The following GRM7 variants were observed in gnomAD, a reference collection of about 807,000 sequenced individuals.
GRM7 encodes metabotropic glutamate receptor 7.
A neutral mutation model predicts 84.5 loss-of-function variants in GRM7; 35 were observed. The observed-to-expected ratio is 0.41, with a 90% CI of 0.32 to 0.55. The LOEUF (loss-of-function observed/expected upper bound fraction) is 0.55. Ranked by LOEUF, GRM7 falls within the 20% of genes least tolerant of loss-of-function variation. GRM7 has a pLI of 0.19. For synonymous variants in GRM7, 487 were observed against 455.1 expected (o/e 1.07, Z -0.89); for missense variants, 1,003 against 1,194.6 (o/e 0.84, Z 2.36).
At chr3:7,358,962 A>G (rs1052765529) in intron 4 of GRM7, among the ~76,000 whole-genome samples, 13 of 151,758 alleles carry the variant, frequency 8.6e-5, no homozygotes, top group Non-Finnish European at 1.5e-4. Flanking sequence ...TACTAAAAAT[A>G]CCCAAACTTA....
At chr3:7,025,087 A>G (rs1033023904) in intron 1 of GRM7, among the ~76,000 whole-genome samples, 27 of 152,162 alleles carry the variant, frequency 1.8e-4, no homozygotes, top group African/African-American at 5.8e-4. Context: ...TTGTCATCAA[A>G]ACCAGCAATG....
intron 2 of GRM7, among the ~76,000 whole-genome samples, chr3:7,227,305 C>G (rs748655256): frequency 6.6e-6 from 1 of 152,100 alleles, no homozygotes. Flanking sequence ...ACAATCTATT[C>G]TAGAATAATT....
At chr3:7,312,936 CTTTTTTT>C (rs372557190) in intron 4 of GRM7, among the ~76,000 whole-genome samples, 28 of 127,296 alleles carry the variant, frequency 2.2e-4, no homozygotes, top group African/African-American at 7.7e-4. Context: ...TTCTTTTTTT[CTTTTTTT>C]TTTTTTTTTT....
At chr3:7,253,900 T>G (rs4686121) in intron 2 of GRM7, among the ~76,000 whole-genome samples, 136,818 of 152,164 alleles carry the variant, frequency 0.9, 61,773 homozygotes, top group East Asian at 0.98. Context: ...CTTTCCCGGG[T>G]CCTTGACAGA....
chr3:7,167,942 C>T (rs1694855278), intron 2 of GRM7, among the ~76,000 whole-genome samples: 2 of 118,930 alleles, frequency 1.7e-5, no homozygotes, highest in African/African-American at 6.1e-5. Flanking sequence ...GCACTCTAGT[C>T]TAGCCTGGGC....
intron 1 of GRM7, among the ~76,000 whole-genome samples, chr3:7,114,170 T>A (rs1692953285): frequency 6.6e-6 from 1 of 152,166 alleles, no homozygotes; most frequent in South Asian, 2.1e-4. Context: ...ACTTTTATAA[T>A]CCTTGGTTTA....
At chr3:6,898,125 A>G (rs765505843) in intron 1 of GRM7, among the ~76,000 whole-genome samples, 3 of 152,152 alleles carry the variant, frequency 2.0e-5, no homozygotes, top group Non-Finnish European at 2.9e-5. Context: ...CAGGGCACAG[A>G]GCTGGATGGA....
chr3:6,976,867 G>A (rs910775138), intron 1 of GRM7, among the ~76,000 whole-genome samples: 6 of 152,176 alleles, frequency 3.9e-5, no homozygotes, highest in Admixed American at 2.0e-4. Flanking sequence ...TATCCAGCCT[G>A]TGACAGACTC....
intron 4 of GRM7, among the ~76,000 whole-genome samples, chr3:7,353,598 C>G (rs1183156961): frequency 3.3e-5 from 5 of 152,054 alleles, no homozygotes; most frequent in Non-Finnish European, 5.9e-5. Flanking sequence ...TAACATAAAA[C>G]CACCCATACT....
At chr3:7,096,741 A>G (rs771461427) in intron 1 of GRM7, among the ~76,000 whole-genome samples, 10 of 152,146 alleles carry the variant, frequency 6.6e-5, no homozygotes, top group Non-Finnish European at 1.2e-4. Context: ...GACCAATCCC[A>G]TATGAAAGCT....
At chr3:7,305,377 A>G (rs1428346624) in intron 3 of GRM7, among the ~76,000 whole-genome samples, 1 of 72,688 alleles carries the variant, frequency 1.4e-5, no homozygotes, top group Admixed American at 1.3e-4. Context: ...TTTAAGTTTT[A>G]GGATACATGT....
intron 1 of GRM7, among the ~76,000 whole-genome samples, chr3:6,903,867 T>G (rs1696478651): frequency 1.3e-5 from 2 of 152,224 alleles, no homozygotes; most frequent in Non-Finnish European, 2.9e-5. Context: ...ATTTTTGTGA[T>G]GCTAATGAGG....
intron 1 of GRM7, among the ~76,000 whole-genome samples, chr3:6,871,391 T>C (rs1338522583): frequency 1.3e-5 from 2 of 152,128 alleles, no homozygotes; most frequent in Admixed American, 1.3e-4. Flanking sequence ...TTGTCATCAC[T>C]GATACGCATG....
At chr3:6,893,447 G>A (rs779536324) in intron 1 of GRM7, among the ~76,000 whole-genome samples, 28 of 152,022 alleles carry the variant, frequency 1.8e-4, no homozygotes, top group Non-Finnish European at 3.1e-4. Context: ...ATCCTAATTC[G>A]GCCTCTAACT....
chr3:7,462,242 T>C (rs929871289), intron 7 of GRM7, among the ~76,000 whole-genome samples: 2 of 152,200 alleles, frequency 1.3e-5, no homozygotes, highest in African/African-American at 4.8e-5. Flanking sequence ...CTTCACAAGA[T>C]TATGTCAAAT....
At chr3:7,653,222 C>A (rs1358682962) in intron 8 of GRM7, among the ~76,000 whole-genome samples, 1 of 133,160 alleles carries the variant, frequency 7.5e-6, no homozygotes, top group Admixed American at 7.8e-5. Context: ...ATCTTTCTCC[C>A]CTCTTACTCT....
intron 1 of GRM7, among the ~76,000 whole-genome samples, chr3:6,915,208 T>C (rs557356396): frequency 1.8e-4 from 28 of 152,312 alleles, no homozygotes; most frequent in African/African-American, 6.0e-4. Context: ...GTCATCCATA[T>C]TTACAAATAC....
chr3:7,566,122 T>TGGG (rs1559406826), intron 7 of GRM7, among the ~76,000 whole-genome samples: 27 of 145,334 alleles, frequency 1.9e-4, no homozygotes, highest in Middle Eastern at 3.6e-3. Flanking sequence ...TTTTTTTTTT[T>TGGG]TTTTTTTTTT....
chr3:7,632,094 C>T (rs560532813), intron 8 of GRM7, among the ~76,000 whole-genome samples: 1 of 152,284 alleles, frequency 6.6e-6, no homozygotes, highest in Non-Finnish European at 1.5e-5. Context: ...TTGATCCACT[C>T]AGGACAGTAA....
Sources: gnomAD v4.1 joint callset for allele counts (sites outside exome capture counted in the v4.1 genomes callset) on GRCh38, gnomAD v4.1.1 for gene constraint, MANE v1.5 for transcripts, NCBI Gene and HGNC (gene_info 2026-07-23, HGNC 2026-07-21) for gene names.